The following EPHA7 variants were observed in gnomAD, a reference collection of about 807,000 sequenced individuals.
EPHA7 encodes EPH receptor A7, also known as ephrin type-A receptor 7.
EPHA7 carries 25 observed loss-of-function variants against 112.6 expected under a neutral mutation model. The observed-to-expected ratio is 0.22, with a 90% CI of 0.16 to 0.31. The LOEUF (loss-of-function observed/expected upper bound fraction) is 0.31, where lower values mean the gene tolerates loss of function less well. Among genes scored for constraint, EPHA7 ranks in the 10% least tolerant of loss-of-function variants. EPHA7 has a pLI of 1.00. For synonymous variants in EPHA7, 437 were observed against 406.5 expected, an observed-to-expected ratio of 1.07 and a Z score of -0.90; for missense variants, 962 against 1,212.6, an observed-to-expected ratio of 0.79 and a Z score of 3.07.
intron 5 of EPHA7, among the ~76,000 whole-genome samples, chr6:93,343,583 A>G (rs1052031495): frequency 1.3e-5 from 2 of 151,730 alleles, no homozygotes; most frequent in African/African-American, 2.4e-5. Flanking sequence ...ATCAGGAGAC[A>G]TTGCTTTTTG....
intron 3 of EPHA7, among the ~76,000 whole-genome samples, chr6:93,372,326 C>T (rs909336627): frequency 5.3e-5 from 8 of 151,998 alleles, no homozygotes; most frequent in African/African-American, 1.9e-4. Flanking sequence ...CAAATATCAG[C>T]AATTACAGAA....
chr6:93,350,660 C>G (rs1332394010), intron 5 of EPHA7, among the ~76,000 whole-genome samples: 2 of 151,898 alleles, frequency 1.3e-5, no homozygotes, highest in African/African-American at 4.8e-5. Flanking sequence ...GTCTCCACAC[C>G]CTGATGGCAG....
intron 3 of EPHA7, among the ~76,000 whole-genome samples, chr6:93,371,578 C>A (rs1388211674): frequency 6.6e-6 from 1 of 152,088 alleles, no homozygotes; most frequent in Admixed American, 6.5e-5. Context: ...ATATTTCAAT[C>A]TGAAAGAATT....
intron 5 of EPHA7, among the ~76,000 whole-genome samples, chr6:93,315,140 G>A: frequency 6.7e-6 from 1 of 150,298 alleles, no homozygotes; most frequent in African/African-American, 2.5e-5. Context: ...GGGATTACAG[G>A]CGTGAGCCAC....
chr6:93,391,159 G>C (rs143167594), intron 3 of EPHA7, among the ~76,000 whole-genome samples: 6 of 151,992 alleles, frequency 3.9e-5, no homozygotes, highest in Non-Finnish European at 7.4e-5. Flanking sequence ...AGTGTACTCT[G>C]AAAAGTACAA....
chr6:93,269,366 T>C (rs1771098154), intron 7 of EPHA7, 111 bp downstream of exon 7: 1 of 769,854 alleles, frequency 1.3e-6, no homozygotes, highest in Admixed American at 3.3e-5. Flanking sequence ...TATATATTTA[T>C]TTGTAAATGT....
Position 93,287,514 on chromosome 6 carries a change from T to C in EPHA7, c.1325-15092A>G, listed in dbSNP as rs758893694. ...ACATTCTCTTCTAGTTTTTCTCCTG[T>C]CTGGTTGATTCTTTTTTTTTTTTTA... On this transcript the variant is annotated intron_variant, in intron 5 of 16. Transcript: ENST00000369303. 1.4e-4 allele frequency among the ~76,000 whole-genome samples: 21 copies of C among 151,454 alleles called. No individual in the cohort carries two copies. In the South Asian group the frequency reaches 4.0e-3, roughly 28 times the overall value.
intron 5 of EPHA7, among the ~76,000 whole-genome samples, chr6:93,335,793 T>G (rs1209225420): frequency 6.6e-6 from 1 of 152,082 alleles, no homozygotes; most frequent in Non-Finnish European, 1.5e-5. Flanking sequence ...TTTCTTTGTA[T>G]TTTGTGAAAA....
chr6:93,269,393 C>A, intron 7 of EPHA7, 84 bp downstream of exon 7: 3 of 1,077,654 alleles, frequency 2.8e-6, no homozygotes, highest in African/African-American at 1.7e-5. Context: ...TATGATGGTG[C>A]AAATGATCAC....
chr6:93,251,281 G>A (rs956314656), intron 14 of EPHA7, among the ~76,000 whole-genome samples: 24 of 151,920 alleles, frequency 1.6e-4, no homozygotes, highest in Middle Eastern at 3.4e-3. Context: ...CAATTTAGCT[G>A]AGAATACATT....
At chr6:93,334,608 T>C (rs531994225) in intron 5 of EPHA7, among the ~76,000 whole-genome samples, 2 of 152,152 alleles carry the variant, frequency 1.3e-5, no homozygotes, top group South Asian at 4.1e-4. Context: ...TTCCAACTAC[T>C]AGAGAACAAA....
intron 5 of EPHA7, among the ~76,000 whole-genome samples, chr6:93,338,279 T>A (rs1424156277): frequency 6.6e-6 from 1 of 152,164 alleles, no homozygotes; most frequent in Non-Finnish European, 1.5e-5. Context: ...TTCAGCTTCC[T>A]AATTCTTGCT....
intron 5 of EPHA7, among the ~76,000 whole-genome samples, chr6:93,279,923 A>G (rs573184829): frequency 3.3e-5 from 5 of 152,268 alleles, no homozygotes; most frequent in Admixed American, 1.3e-4. Context: ...TTAGTCTTAA[A>G]TACCCTTCAC....
At chr6:93,375,623 G>A (rs1480170143) in intron 3 of EPHA7, among the ~76,000 whole-genome samples, 1 of 149,752 alleles carries the variant, frequency 6.7e-6, no homozygotes, top group Non-Finnish European at 1.5e-5. Flanking sequence ...AGATTTGGAA[G>A]CCTGAATTAA....
At chr6:93,413,266 T>C (rs1779063790) in intron 2 of EPHA7, among the ~76,000 whole-genome samples, 1 of 151,992 alleles carries the variant, frequency 6.6e-6, no homozygotes, top group African/African-American at 2.4e-5. Context: ...TATTATGTGT[T>C]GATGTTTACA....
intron 5 of EPHA7, among the ~76,000 whole-genome samples, chr6:93,326,998 T>C (rs1235093821): frequency 1.3e-5 from 2 of 151,558 alleles, no homozygotes; most frequent in East Asian, 3.9e-4. Flanking sequence ...CACTTTAAAA[T>C]ACATTTGTAT....
At chr6:93,250,706 C>T (rs423713) in intron 14 of EPHA7, among the ~76,000 whole-genome samples, 98,428 of 152,052 alleles carry the variant, frequency 0.65, 32,920 homozygotes, top group South Asian at 0.83. Flanking sequence ...GATTATGTAA[C>T]TGGTTCACTG....
chr6:93,394,375 T>C (rs1481317135), intron 3 of EPHA7, among the ~76,000 whole-genome samples: 1 of 151,476 alleles, frequency 6.6e-6, no homozygotes. Context: ...CTCAGCGAAG[T>C]TACTATCAAC....
At chr6:93,383,853 G>T (rs574084657) in intron 3 of EPHA7, among the ~76,000 whole-genome samples, 1 of 152,026 alleles carries the variant, frequency 6.6e-6, no homozygotes, top group Non-Finnish European at 1.5e-5. Flanking sequence ...GTGTCAGTGT[G>T]CCTGGTTAAT....
Sources: allele counts gnomAD v4.1 joint callset (sites outside exome capture counted in the v4.1 genomes callset), GRCh38; gene constraint gnomAD v4.1.1; transcripts MANE v1.5; gene names NCBI Gene and HGNC (gene_info 2026-07-23, HGNC 2026-07-21).